The following CPS1 variants were observed in gnomAD, a reference collection of about 807,000 sequenced individuals.
The protein encoded by CPS1 is carbamoyl-phosphate synthase [ammonia], mitochondrial.
CPS1 carries 109 observed loss-of-function variants against 174.6 expected under a neutral mutation model. The ratio of observed to expected loss-of-function variants is 0.62; its 90% confidence interval spans 0.53 to 0.73. The LOEUF is 0.73. Ranked by LOEUF, CPS1 falls within the 30% of genes least tolerant of loss-of-function variation. CPS1 has a pLI of 0.00. For missense variants in CPS1, 1,689 were observed against 1,821.9 expected (o/e 0.93, Z 1.33); for synonymous variants, 637 against 632.0 (o/e 1.01, Z -0.12).
In CPS1 at chr2:210,525,630, T is replaced by C. The variant is rs115324286; in HGVS notation, c.4-31089T>C. 7.7e-3 allele frequency among the ~76,000 whole-genome samples: 1,162 copies of C among 150,930 alleles called. 16 individuals are homozygous for C. The highest frequency in any genetic ancestry group is 0.027 in the African/African-American group (1,107 of 41,004). On this transcript the variant is annotated intron_variant, in intron 1 of 38. Transcript: ENST00000430249. ...ATTTTGGCAGTGATAAGGGACACAATAGAGGTCTAAAAGTAGGCATAATGG... is the reference window on the plus strand; with the variant it reads ...ATTTTGGCAGTGATAAGGGACACAACAGAGGTCTAAAAGTAGGCATAATGG...
intron 1 of CPS1, among the ~76,000 whole-genome samples, chr2:210,489,404 C>G (rs1235268839): frequency 6.6e-6 from 1 of 152,094 alleles, no homozygotes; most frequent in Non-Finnish European, 1.5e-5. Flanking sequence ...TAGATGCATG[C>G]TGGTGCTGGT....
chr2:210,675,049 C>G, intron 35 of CPS1, 88 bp downstream of exon 35: 1 of 1,021,334 alleles, frequency 9.8e-7, no homozygotes, highest in Non-Finnish European at 1.6e-6. Context: ...AAGAAATAGC[C>G]CAAAATATGT....
chr2:210,487,425 G>T (rs1694761066), intron 1 of CPS1, among the ~76,000 whole-genome samples: 1 of 152,236 alleles, frequency 6.6e-6, no homozygotes, highest in African/African-American at 2.4e-5. Context: ...GTTTGTGGCA[G>T]CTCCATAATT....
intron 28 of CPS1, among the ~76,000 whole-genome samples, chr2:210,651,802 A>G (rs963368879): frequency 6.6e-6 from 1 of 152,188 alleles, no homozygotes. Context: ...ACCAGCCCCA[A>G]TCAATCAGTA....
chr2:210,520,224 C>A (rs932878579), intron 1 of CPS1, among the ~76,000 whole-genome samples: 1 of 151,878 alleles, frequency 6.6e-6, no homozygotes, highest in Non-Finnish European at 1.5e-5. Context: ...TAATTTTATG[C>A]ACTTTTGCAT....
At chr2:210,603,617 T>A (rs959747227) in intron 16 of CPS1, among the ~76,000 whole-genome samples, 1 of 151,858 alleles carries the variant, frequency 6.6e-6, no homozygotes, top group African/African-American at 2.4e-5. Context: ...CTCTATTAAT[T>A]TTTTTACTCT....
At chr2:210,591,000 G>C in intron 9 of CPS1, 94 bp downstream of exon 9, 2 of 710,112 alleles carry the variant, frequency 2.8e-6, no homozygotes, top group Non-Finnish European at 4.9e-6. Context: ...TTTCTTTAGA[G>C]TAAATAAATG....
At chr2:210,531,874 G>A (rs1366364503) in intron 1 of CPS1, among the ~76,000 whole-genome samples, 1 of 152,090 alleles carries the variant, frequency 6.6e-6, no homozygotes, top group African/African-American at 2.4e-5. Context: ...CTTGTGAGGT[G>A]AACACCTTGA....
chr2:210,649,855 G>T (rs919159770), intron 27 of CPS1, among the ~76,000 whole-genome samples: 2 of 152,116 alleles, frequency 1.3e-5, no homozygotes, highest in African/African-American at 4.8e-5. Context: ...TTCACATACT[G>T]CACATTGTAT....
chr2:210,527,783 A>G (rs1485215634), intron 1 of CPS1, among the ~76,000 whole-genome samples: 2 of 151,812 alleles, frequency 1.3e-5, no homozygotes, highest in Non-Finnish European at 2.9e-5. Context: ...TATATTCTTG[A>G]CAGATTAAAA....
At chr2:210,581,590 G>A (rs1042116234) in intron 5 of CPS1, among the ~76,000 whole-genome samples, 2 of 152,120 alleles carry the variant, frequency 1.3e-5, no homozygotes, top group Non-Finnish European at 2.9e-5. Flanking sequence ...GGGGTTATGC[G>A]ACTTGGATTA....
Position 210,659,951 on chromosome 2 carries a change from T to A in CPS1, c.3757-534T>A, listed in dbSNP as rs1218513677. 2.0e-5 allele frequency among the ~76,000 whole-genome samples: 3 copies of A among 152,104 alleles called. No homozygotes were observed. In the South Asian group the frequency reaches 6.2e-4, roughly 32 times the overall value. On this transcript the variant is annotated intron_variant, in intron 31 of 37. Transcript: ENST00000233072. ...GGTTGGAATTTTGACAAGTTAACGATGGTAGAGAGATTATTACACATAGAT... is the reference window on the plus strand; with the variant it reads ...GGTTGGAATTTTGACAAGTTAACGAAGGTAGAGAGATTATTACACATAGAT...
chr2:210,595,461 C>A (rs780971768), intron 12 of CPS1, 26 bp from the exon 13 acceptor site: 1 of 1,478,364 alleles, frequency 6.8e-7, no homozygotes, highest in South Asian at 1.1e-5. Flanking sequence ...GCAGTAATAA[C>A]AGTGTCTTTT....
At chr2:210,632,140 A>G (rs1445380507) in intron 21 of CPS1, among the ~76,000 whole-genome samples, 1 of 152,222 alleles carries the variant, frequency 6.6e-6, no homozygotes, top group African/African-American at 2.4e-5. Flanking sequence ...AGAAAAATAA[A>G]AATGTTATAG....
intron 18 of CPS1, 106 bp from the exon 19 acceptor site, chr2:210,608,255 C>A: frequency 9.8e-7 from 1 of 1,024,384 alleles, no homozygotes. Flanking sequence ...GTCTTATACC[C>A]TGAAGTAGAA....
At chr2:210,508,965 G>A (rs1695370192) in intron 1 of CPS1, among the ~76,000 whole-genome samples, 1 of 152,116 alleles carries the variant, frequency 6.6e-6, no homozygotes, top group African/African-American at 2.4e-5. Flanking sequence ...GGAGGAGCTG[G>A]TACCATTCCT....
At chr2:210,557,555 T>C (rs1696953083) in intron 1 of CPS1, among the ~76,000 whole-genome samples, 1 of 152,016 alleles carries the variant, frequency 6.6e-6, no homozygotes, top group East Asian at 1.9e-4. Context: ...AGCATTGAAT[T>C]ATGAAATTCC....
chr2:210,677,158 T>C, intron 37 of CPS1, 22 bp downstream of exon 37: 2 of 1,611,164 alleles, frequency 1.2e-6, no homozygotes, highest in Non-Finnish European at 1.7e-6. Context: ...TCCTTGGATA[T>C]AGACTGGATG....
At position 210,593,081 on chromosome 2, in the gene CPS1, G is replaced by C. The variant is rs1188566213; in HGVS notation, c.1164+125G>C. ...GAACATTCTCAAGAAGAGTGCTTTG[G>C]TAACACACATTTTGTATTAAAATCT... On this transcript the variant is annotated intron_variant, in intron 11 of 37. Transcript: ENST00000233072. The C allele has an allele frequency of 6.9e-6, 6 of 869,830 alleles. No homozygotes were observed. The African/African-American group carries it at 1.0e-4, about 15-fold the overall frequency. 53.9% of individuals were successfully genotyped at this position (869,830 alleles called of 1,614,324 possible).
Sources: allele counts gnomAD v4.1 joint callset (sites outside exome capture counted in the v4.1 genomes callset), GRCh38; gene constraint gnomAD v4.1.1; transcripts MANE v1.5; gene names NCBI Gene and HGNC (gene_info 2026-07-23, HGNC 2026-07-21).